The following OPA3 variants were observed in gnomAD, a reference collection of about 807,000 sequenced individuals.
OPA3 encodes optic atrophy 3 protein.
OPA3 carries 6 observed loss-of-function variants against 4.0 expected under a neutral mutation model. The observed-to-expected ratio is 1.51, with a 90% confidence interval of 0.83 to 2.99. The LOEUF is 2.99. OPA3 is among the 30% of genes most tolerant of loss of function. The pLI, the probability that OPA3 is intolerant of heterozygous loss-of-function variation, is 0.00. For missense variants in OPA3, 235 were observed against 256.2 expected, an observed-to-expected ratio of 0.92 and a Z score of 0.56; for synonymous variants, 105 against 117.1, an observed-to-expected ratio of 0.90 and a Z score of 0.67.
At chr19:45,572,292 T>C (rs1333352775) in intron 1 of OPA3, among the ~76,000 whole-genome samples, 1 of 126,392 alleles carries the variant, frequency 7.9e-6, no homozygotes, top group African/African-American at 2.7e-5. Flanking sequence ...TATATCGATA[T>C]ATATCTCATA....
At chr19:45,583,068 T>C (rs1029095032) in intron 1 of OPA3, among the ~76,000 whole-genome samples, 3 of 152,208 alleles carry the variant, frequency 2.0e-5, no homozygotes, top group Non-Finnish European at 2.9e-5. Flanking sequence ...GTCATAATTT[T>C]GCAAAGGCGG....
At chr19:45,578,703 T>A (rs1336095755) in intron 1 of OPA3, among the ~76,000 whole-genome samples, 1 of 152,150 alleles carries the variant, frequency 6.6e-6, no homozygotes, top group Non-Finnish European at 1.5e-5. Flanking sequence ...GGCGCATGCC[T>A]GTAATCCCAG....
At chr19:45,542,907 G>A (rs887849718), downstream of OPA3, among the ~76,000 whole-genome samples, 1 of 152,092 alleles carries the variant, frequency 6.6e-6, no homozygotes, top group Non-Finnish European at 1.5e-5. Flanking sequence ...TCCTGACCTC[G>A]CAATCTGCCC....
At chr19:45,562,017 T>C (rs957893147) in intron 1 of OPA3, among the ~76,000 whole-genome samples, 1 of 151,230 alleles carries the variant, frequency 6.6e-6, no homozygotes, top group Non-Finnish European at 1.5e-5. Context: ...TAATAAAAGA[T>C]GAGAAAAAAA....
downstream of OPA3, among the ~76,000 whole-genome samples, chr19:45,544,387 C>T (rs537262752): frequency 6.6e-6 from 1 of 152,298 alleles, no homozygotes; most frequent in African/African-American, 2.4e-5. Flanking sequence ...GGGCGGGGCA[C>T]GGTGGCTCAC....
chr19:45,530,927 CTTTTTTTT>C (rs71173176), intron 1 of OPA3, among the ~76,000 whole-genome samples: 304 of 35,216 alleles, frequency 8.6e-3, no homozygotes, highest in South Asian at 0.026. Flanking sequence ...ATGTCACCTA[CTTTTTTTT>C]TTTTTTTTTT....
At chr19:45,557,146 C>A (rs1488595613) in intron 1 of OPA3, among the ~76,000 whole-genome samples, 1 of 152,154 alleles carries the variant, frequency 6.6e-6, no homozygotes, top group Non-Finnish European at 1.5e-5. Context: ...CGTGGAAATG[C>A]AAGTGTCTCA....
intron 1 of OPA3, among the ~76,000 whole-genome samples, chr19:45,576,576 T>C (rs1969772341): frequency 7.1e-6 from 1 of 141,266 alleles, no homozygotes. Flanking sequence ...TGGCTTTCAC[T>C]AGGCTAATCT....
downstream of OPA3, among the ~76,000 whole-genome samples, chr19:45,542,657 G>GCTT (rs1568397956): frequency 6.6e-5 from 4 of 60,952 alleles, no homozygotes; most frequent in African/African-American, 2.2e-4. Flanking sequence ...GTACTTCACT[G>GCTT]TTTTTTTGTT....
chr19:45,552,148 T>C lies in OPA3; in HGVS notation c.*1366A>G, dbSNP rs1026433951. 20 of 985,304 alleles carry C rather than the reference T, an allele frequency of 2.0e-5. No homozygotes were observed. The Admixed American group carries it at 6.2e-4, about 30-fold the overall frequency. The allele number at this position is 985,304 out of a possible 1,614,324, so 61.0% of individuals were successfully genotyped here. ...CAAGGATGAGGGGGTTCTGTTGGAA[T>C]AGTCCACTTCGGGTCTCAAGGGAAG... On this transcript the variant is annotated 3_prime_UTR_variant, in exon 2 of 2. Transcript: ENST00000263275.
downstream of OPA3, among the ~76,000 whole-genome samples, chr19:45,546,050 A>G (rs1003219366): frequency 2.0e-5 from 3 of 152,112 alleles, no homozygotes; most frequent in African/African-American, 7.2e-5. Context: ...AAAGTAACGA[A>G]GTTGCCCATC....
chr19:45,571,748 T>G (rs1422176420), intron 1 of OPA3, among the ~76,000 whole-genome samples: 2 of 152,162 alleles, frequency 1.3e-5, no homozygotes, highest in African/African-American at 2.4e-5. Flanking sequence ...CTCCTGGGCA[T>G]CTACTGGAAG....
intron 1 of OPA3, among the ~76,000 whole-genome samples, chr19:45,575,708 G>A (rs554207177): frequency 1.3e-5 from 2 of 152,220 alleles, no homozygotes; most frequent in South Asian, 2.1e-4. Context: ...CTGGGCTCAA[G>A]CAATCCTGCC....
exon 2 of OPA3, chr19:45,528,853 C>T (rs978439759): frequency 1.2e-5 from 7 of 574,410 alleles, no homozygotes; most frequent in Admixed American, 6.8e-5. Context: ...CTGCAGGAGG[C>T]GGAGAGTCCC....
chr19:45,532,855 G>A lies in OPA3; in HGVS notation c.143-3399C>T, dbSNP rs180983291. 1.7e-3 allele frequency among the ~76,000 whole-genome samples: 254 copies of A among 151,988 alleles called. 1 individual carries two copies. The highest frequency in any genetic ancestry group is 5.9e-3 in the African/African-American group (245 of 41,454). On this transcript the variant is annotated intron_variant, in intron 1 of 1. Coordinates refer to the OPA3 transcript ENST00000323060. ...CAGCCTCGTAAAGTGCTGATTGCAG[G>A]CATGAGCCACTGTGCCCAGCCCTAG... is the stretch of plus-strand genomic sequence containing the variant.
chr19:45,558,722 GTTTT>G (rs573234842), intron 1 of OPA3, among the ~76,000 whole-genome samples: 2 of 146,510 alleles, frequency 1.4e-5, no homozygotes, highest in African/African-American at 5.0e-5. Flanking sequence ...ATGTTCTGCT[GTTTT>G]TTTTTTTTAT....
At chr19:45,577,942 G>C (rs1390219167) in intron 1 of OPA3, among the ~76,000 whole-genome samples, 1 of 152,186 alleles carries the variant, frequency 6.6e-6, no homozygotes, top group Non-Finnish European at 1.5e-5. Context: ...CCTGTAAAGG[G>C]GCAGAGAGTA....
intron 1 of OPA3, among the ~76,000 whole-genome samples, chr19:45,561,262 G>A (rs977594852): frequency 6.6e-6 from 1 of 152,186 alleles, no homozygotes; most frequent in Admixed American, 6.5e-5. Context: ...GAACCTGGGA[G>A]GTGGAGGTTA....
At chr19:45,584,254 G>T in intron 1 of OPA3, 1 of 823,854 alleles carries the variant, frequency 1.2e-6, no homozygotes, top group Non-Finnish European at 1.5e-6. Flanking sequence ...AGGACAGCCG[G>T]GCAAAGGACC....
Sources: gnomAD v4.1 joint callset for allele counts (sites outside exome capture counted in the v4.1 genomes callset) on GRCh38, gnomAD v4.1.1 for gene constraint, MANE v1.5 for transcripts, NCBI Gene and HGNC (gene_info 2026-07-23, HGNC 2026-07-21) for gene names.